Variants in DPP10 observed in about 807,000 individuals in gnomAD.
DPP10 encodes the protein dipeptidyl peptidase like 10.
Under a neutral mutation model 120.9 loss-of-function variants are expected in DPP10, and 33 were observed. The observed-to-expected ratio is 0.27, with a 90% CI of 0.21 to 0.37. The LOEUF is 0.37. DPP10 is among the 10% of genes least tolerant of loss of function. DPP10 has a pLI of 1.00. For synonymous variants in DPP10, 337 were observed against 326.1 expected, an observed-to-expected ratio of 1.03 and a Z score of -0.36; for missense variants, 816 against 942.8, an observed-to-expected ratio of 0.87 and a Z score of 1.76.
chr2:114,722,291 A>G (rs1701747616), intron 1 of DPP10, among the ~76,000 whole-genome samples: 2 of 152,186 alleles, frequency 1.3e-5, no homozygotes, highest in South Asian at 4.1e-4. Context: ...GTCAAGAATG[A>G]TGATTAAAAT....
At chr2:115,779,047 T>G (rs930198209) in intron 15 of DPP10, among the ~76,000 whole-genome samples, 1 of 152,092 alleles carries the variant, frequency 6.6e-6, no homozygotes, top group Admixed American at 6.6e-5. Flanking sequence ...AGAAACACTT[T>G]ATATCTTATA....
intron 1 of DPP10, among the ~76,000 whole-genome samples, chr2:114,459,414 G>A (rs530801885): frequency 9.8e-5 from 15 of 152,286 alleles, no homozygotes; most frequent in Admixed American, 4.6e-4. Flanking sequence ...TTAGGGGTAA[G>A]AAACATGTTA....
At chr2:115,493,845 TGGAGA>T (rs2076255838) in intron 3 of DPP10, among the ~76,000 whole-genome samples, 1 of 152,134 alleles carries the variant, frequency 6.6e-6, no homozygotes. Context: ...ATGGCTGTTA[TGGAGA>T]ACAAGGTGGA....
chr2:115,290,507 T>A (rs2060609711), intron 1 of DPP10, among the ~76,000 whole-genome samples: 1 of 152,156 alleles, frequency 6.6e-6, no homozygotes, highest in Non-Finnish European at 1.5e-5. Flanking sequence ...CTCTCAACTT[T>A]CCTTTATATT....
chr2:115,079,544 T>G (rs1708093148), intron 1 of DPP10, among the ~76,000 whole-genome samples: 2 of 150,892 alleles, frequency 1.3e-5, no homozygotes, highest in Admixed American at 6.6e-5. Flanking sequence ...CTCAGGGGAG[T>G]GTTGTGTGGA....
At chr2:115,498,490 C>A (rs1408525027) in intron 3 of DPP10, among the ~76,000 whole-genome samples, 2 of 151,814 alleles carry the variant, frequency 1.3e-5, no homozygotes, top group East Asian at 3.9e-4. Flanking sequence ...GAGATTGTAA[C>A]TTATACACAT....
At chr2:114,549,069 G>A (rs1324082566) in intron 1 of DPP10, among the ~76,000 whole-genome samples, 1 of 152,182 alleles carries the variant, frequency 6.6e-6, no homozygotes, top group Non-Finnish European at 1.5e-5. Context: ...ATTAGCAGGG[G>A]ATGGCGAAGG....
At chr2:115,479,571 A>G (rs915389072) in intron 3 of DPP10, among the ~76,000 whole-genome samples, 2 of 152,160 alleles carry the variant, frequency 1.3e-5, no homozygotes, top group Non-Finnish European at 2.9e-5. Flanking sequence ...GATAAATTTT[A>G]TATTGTGTGC....
At chr2:115,617,805 T>G (rs2084641112) in intron 5 of DPP10, among the ~76,000 whole-genome samples, 1 of 152,162 alleles carries the variant, frequency 6.6e-6, no homozygotes, top group Non-Finnish European at 1.5e-5. Context: ...CTGTGCTGTT[T>G]TTTCCTTTAT....
intron 1 of DPP10, among the ~76,000 whole-genome samples, chr2:114,891,565 G>A (rs752925931): frequency 2.9e-4 from 44 of 152,212 alleles, no homozygotes; most frequent in Admixed American, 6.5e-4. Flanking sequence ...TGTGGAATGA[G>A]CTATGTGGAA....
chr2:114,650,468 A>G lies in DPP10; in HGVS notation c.60+207630A>G, dbSNP rs556309052. 5.1e-3 allele frequency among the ~76,000 whole-genome samples: 779 copies of G among 152,310 alleles called. 3 individuals are homozygous for G. The highest frequency in any genetic ancestry group is 0.017 in the Middle Eastern group (5 of 294). ...TACATGAAGTGGTTACAAATGAACTATTGTTGTTCATGAACTCCACATACC... is the reference window on the plus strand; with the variant it reads ...TACATGAAGTGGTTACAAATGAACTGTTGTTGTTCATGAACTCCACATACC... On this transcript the variant is annotated intron_variant, in intron 1 of 25. Coordinates refer to ENST00000410059, the MANE Select transcript of DPP10 (RefSeq NM_020868.6).
intron 1 of DPP10, among the ~76,000 whole-genome samples, chr2:114,538,776 G>A (rs1170363788): frequency 6.6e-6 from 1 of 152,174 alleles, no homozygotes; most frequent in Non-Finnish European, 1.5e-5. Flanking sequence ...TCTTGTCACT[G>A]CCACCAAAGG....
At chr2:114,789,745 G>T (rs938950680) in intron 1 of DPP10, among the ~76,000 whole-genome samples, 1 of 152,182 alleles carries the variant, frequency 6.6e-6, no homozygotes, top group African/African-American at 2.4e-5. Context: ...TACACAAAGG[G>T]ATGGAGATGG....
At chr2:115,220,447 C>T (rs890250402) in intron 1 of DPP10, among the ~76,000 whole-genome samples, 2 of 152,048 alleles carry the variant, frequency 1.3e-5, no homozygotes, top group Non-Finnish European at 2.9e-5. Flanking sequence ...CATGGTGTCT[C>T]ACACCTGTAA....
At position 114,504,909 on chromosome 2, in the gene DPP10, G is replaced by A. The variant is rs377041312; in HGVS notation, c.60+62071G>A. 5.3e-4 allele frequency among the ~76,000 whole-genome samples: 81 copies of A among 151,826 alleles called. 2 individuals are homozygous for A. The South Asian group carries it at 0.016, about 31-fold the overall frequency. On this transcript the variant is annotated intron_variant, in intron 1 of 25. Coordinates refer to ENST00000410059, the MANE Select transcript of DPP10 (RefSeq NM_020868.6). ...TCTACTAAAAATATAAAAATTAGCCGGGCATGGTGGCGGGTGCCTATAGTC... is the reference window on the plus strand; with the variant it reads ...TCTACTAAAAATATAAAAATTAGCCAGGCATGGTGGCGGGTGCCTATAGTC...
intron 1 of DPP10, among the ~76,000 whole-genome samples, chr2:115,266,364 A>G (rs1423075170): frequency 6.6e-6 from 1 of 152,204 alleles, no homozygotes; most frequent in Admixed American, 6.5e-5. Context: ...ATGGTCACCT[A>G]CGTGCTATTG....
intron 5 of DPP10, among the ~76,000 whole-genome samples, chr2:115,638,674 G>C (rs1198411975): frequency 6.6e-6 from 1 of 152,206 alleles, no homozygotes; most frequent in Non-Finnish European, 1.5e-5. Flanking sequence ...TCCATTGTAT[G>C]ATTGAGTCCT....
chr2:115,508,721 G>A (rs1360837455), intron 4 of DPP10, among the ~76,000 whole-genome samples: 1 of 152,104 alleles, frequency 6.6e-6, no homozygotes, highest in Admixed American at 6.6e-5. Flanking sequence ...TGGCCAACAT[G>A]GCGAAACCCC....
At chr2:114,589,056 C>T (rs1052342557) in intron 1 of DPP10, among the ~76,000 whole-genome samples, 11 of 146,426 alleles carry the variant, frequency 7.5e-5, no homozygotes, top group South Asian at 6.6e-4. Context: ...GGGTAGGGGA[C>T]GTACTGTTTA....
Sources: allele counts gnomAD v4.1 joint callset (sites outside exome capture counted in the v4.1 genomes callset), GRCh38; gene constraint gnomAD v4.1.1; transcripts MANE v1.5; gene names NCBI Gene and HGNC (gene_info 2026-07-23, HGNC 2026-07-21).